SSC4D: variants seen among roughly 807,000 people sequenced by gnomAD.
The protein encoded by SSC4D is scavenger receptor cysteine rich family member with 4 domains, also known as scavenger receptor cysteine-rich domain-containing group B protein.
SSC4D carries 57 observed loss-of-function variants against 63.4 expected under a neutral mutation model. The observed-to-expected ratio is 0.90, with a 90% confidence interval of 0.73 to 1.12. SSC4D has a LOEUF of 1.12. Ranked by LOEUF, SSC4D falls within the 50% of genes most tolerant of loss-of-function variation. SSC4D has a pLI of 0.00. For missense variants in SSC4D, 791 were observed against 806.4 expected, an observed-to-expected ratio of 0.98 and a Z score of 0.23; for synonymous variants, 352 against 345.4, an observed-to-expected ratio of 1.02 and a Z score of -0.21.
Position 76,390,532 on chromosome 7 carries a change from C to T in SSC4D, c.1412-157G>A, listed in dbSNP as rs367809705. Among the ~76,000 whole-genome samples the T allele has an allele frequency of 3.9e-5, 6 of 152,280 alleles. No homozygotes were observed. In the East Asian group the frequency reaches 1.2e-3, roughly 29 times the overall value. On this transcript the variant is annotated intron_variant, in intron 10 of 10. Transcript: ENST00000275560. The stretch of plus-strand genomic sequence containing the variant: ...ACACATGAAATTAAAGTAAGATTGG[C>T]GCTGGCTGGGCACAATGGCTCACGC...
At chr7:76,394,902 C>T (rs1386622457) in intron 7 of SSC4D, among the ~76,000 whole-genome samples, 2 of 125,130 alleles carry the variant, frequency 1.6e-5, no homozygotes, top group African/African-American at 5.8e-5. Context: ...GAGACAGGGT[C>T]TAGCTACGTT....
At chr7:76,398,166 C>G (rs1804701316) in intron 5 of SSC4D, among the ~76,000 whole-genome samples, 2 of 152,160 alleles carry the variant, frequency 1.3e-5, no homozygotes, top group Non-Finnish European at 2.9e-5. Context: ...GGACCCTCTT[C>G]CACCTCTGGA....
At position 76,391,972 on chromosome 7, in the gene SSC4D, G is replaced by C. The variant is rs1182844662; in HGVS notation, c.1403C>G (p.Pro468Arg). 1 of 1,593,920 alleles carries C rather than the reference G, an allele frequency of 6.3e-7. No homozygotes were observed. The highest frequency in any genetic ancestry group is 1.8e-5 in the Admixed American group (1 of 56,870). ...GGATTATGGGCACCTACCGTCCCTGGGCCGAGGAGTGGGCACCCGCGTGGT... is the reference window on the plus strand; with the variant it reads ...GGATTATGGGCACCTACCGTCCCTGCGCCGAGGAGTGGGCACCCGCGTGGT... ...SETTRVPTPRPRDGHLRLVNG... is the reference protein window; with the variant it reads ...SETTRVPTPRRRDGHLRLVNG... The change falls in exon 10 of 11, where the codon CCC (proline) becomes CGC (arginine). Residue 468 changes from proline (P) to arginine (R), a missense_variant. Pro to Arg is a moderately radical substitution (Grantham distance 103). Coordinates refer to ENST00000275560, the MANE Select transcript of SSC4D (RefSeq NM_080744.2).
In SSC4D at chr7:76,393,701, A is replaced by G; in HGVS notation, c.1037T>C (p.Leu346Pro). The G allele has an allele frequency of 3.6e-6, 5 of 1,393,706 alleles. No individual in the cohort carries two copies. In the South Asian group the frequency reaches 8.1e-5, roughly 23 times the overall value. The allele number at this position is 1,393,706 out of a possible 1,614,324, so 86.3% of individuals were successfully genotyped here. Reference sequence around the variant, plus strand: ...GCGGCACGGACCCGGGCCGCCCACCAGTCGCAGCCGTCCACCTGCGGGGCG... The same window carrying G: ...GCGGCACGGACCCGGGCCGCCCACCGGTCGCAGCCGTCCACCTGCGGGGCG... ...AAGKKSGRLR[L>P]VGGPGPCRGR... is the part of the protein sequence containing the mutation. Residue 346 changes from leucine (L) to proline (P), a missense_variant, in exon 9 of 11, where the codon CTG (leucine) becomes CCG (proline). Transcript: ENST00000275560.
chr7:76,400,947 T>A, intron 3 of SSC4D, 61 bp downstream of exon 3: 2 of 1,549,176 alleles, frequency 1.3e-6, no homozygotes, highest in Non-Finnish European at 1.7e-6. Flanking sequence ...TGGTTCCCTG[T>A]CTGAGGCTGG....
chr7:76,397,507 A>G lies in SSC4D; in HGVS notation c.868+11T>C, dbSNP rs1336013873. ...TGCCCCGGCCCCGCCCATCGCCCCT[A>G]GAGCCCGCACCTGCGCAGAGCGCGC... is the stretch of plus-strand genomic sequence containing the variant. On this transcript the variant is annotated intron_variant, in intron 6 of 10. Transcript: ENST00000275560. 6.6e-7 allele frequency: 1 copy of G among 1,507,724 alleles called. No homozygotes were observed. The highest frequency in any genetic ancestry group is 1.3e-5 in the South Asian group (1 of 77,752). The allele number at this position is 1,507,724 out of a possible 1,614,324, so 93.4% of individuals were successfully genotyped here.
At chr7:76,394,206 GTC>G (rs1472009129) in intron 7 of SSC4D, among the ~76,000 whole-genome samples, 3 of 152,068 alleles carry the variant, frequency 2.0e-5, no homozygotes, top group African/African-American at 7.2e-5. Context: ...CCCTCATAAG[GTC>G]TCTCAATTCC....
rs988041006 is a variant in SSC4D, at chr7:76,397,444, G to C, written c.868+74C>G. 9 of 1,424,996 alleles carry C rather than the reference G, an allele frequency of 6.3e-6. No homozygotes were observed. The African/African-American group carries it at 1.3e-4, about 21-fold the overall frequency. The allele number at this position is 1,424,996 out of a possible 1,614,324, so 88.3% of individuals were successfully genotyped here. On this transcript the variant is annotated intron_variant, in intron 6 of 10. Transcript: ENST00000275560. Reference sequence around the variant, plus strand: ...CCTCCCCATCCACCTCCCCACCGAAGCCTCCTCCTCCAGCATTGCCACAGG... The same window carrying C: ...CCTCCCCATCCACCTCCCCACCGAACCCTCCTCCTCCAGCATTGCCACAGG...
intron 1 of SSC4D, among the ~76,000 whole-genome samples, chr7:76,407,657 C>G (rs959990527): frequency 1.3e-5 from 2 of 152,052 alleles, no homozygotes; most frequent in African/African-American, 4.8e-5. Context: ...CACTTGAGCC[C>G]AGGAGTTCAA....
rs116171550 is a variant in SSC4D at position 76,393,523 on chromosome 7, G to A, written c.1215C>T (p.Pro405=). The change falls in exon 9 of 11, where the codon CCC becomes CCT. Residue 405 remains proline, a synonymous_variant. Transcript: ENST00000275560. ...GLGHFGYGRG[P]VLLDNVGCAG... is the part of the protein sequence containing the mutation. Reference sequence around the variant, plus strand: ...CGCAGCCCACGTTGTCCAGCAGCACGGGGCCGCGGCCGTAGCCGAAGTGGC... The same window carrying A: ...CGCAGCCCACGTTGTCCAGCAGCACAGGGCCGCGGCCGTAGCCGAAGTGGC... 3 of 1,525,090 alleles carry A rather than the reference G, an allele frequency of 2.0e-6. No individual in the cohort carries two copies. The highest frequency in any genetic ancestry group is 1.2e-5 in the South Asian group (1 of 82,310). 94.5% of individuals were successfully genotyped at this position (1,525,090 alleles called of 1,614,324 possible).
At chr7:76,392,594 T>C (rs1804516440) in intron 9 of SSC4D, among the ~76,000 whole-genome samples, 2 of 137,112 alleles carry the variant, frequency 1.5e-5, no homozygotes, top group South Asian at 4.6e-4. Flanking sequence ...AGTTCGAGAG[T>C]AGCCTGGGCA....
At chr7:76,394,076 C>G (rs1318003895) in intron 7 of SSC4D, among the ~76,000 whole-genome samples, 172 bp from the exon 8 acceptor site, 1 of 152,196 alleles carries the variant, frequency 6.6e-6, no homozygotes, top group South Asian at 2.1e-4. Context: ...CTCCGGGAAA[C>G]TTGGTTGAAT....
chr7:76,395,356 G>A (rs756374633), intron 6 of SSC4D, 26 bp from the exon 7 acceptor site: 2 of 1,611,254 alleles, frequency 1.2e-6, no homozygotes, highest in African/African-American at 1.3e-5. Context: ...AGGGGGCAGG[G>A]TCAGAGGCTG....
chr7:76,400,505 C>T lies in SSC4D; in HGVS notation c.256G>A (p.Asp86Asn), dbSNP rs1209653198. ...GGSWGSVCDD[D>N]WDVVDANVVC... Reference sequence around the variant, plus strand: ...ACGTTGGCGTCCACCACGTCCCAGTCGTCATCACAGACGCTGCCCCAGGAG... The same window carrying T: ...ACGTTGGCGTCCACCACGTCCCAGTTGTCATCACAGACGCTGCCCCAGGAG... Residue 86 changes from aspartate (D) to asparagine (N), a missense_variant, in exon 4 of 11, where the codon GAC (aspartate) becomes AAC (asparagine). By Grantham distance (23) the Asp-to-Asn change is conservative. Transcript: ENST00000275560. 6.3e-6 allele frequency: 10 copies of T among 1,596,414 alleles called. No individual in the cohort carries two copies. The highest frequency in any genetic ancestry group is 1.7e-5 in the Admixed American group (1 of 58,022).
chr7:76,392,178 G>T (rs1328428880), intron 9 of SSC4D, 137 bp from the exon 10 acceptor site: 1 of 783,752 alleles, frequency 1.3e-6, no homozygotes, highest in African/African-American at 1.7e-5. Context: ...CTGAAGAACT[G>T]CTCCCCTTGA....
At chr7:76,391,905 A>G (rs888914559) in intron 10 of SSC4D, 59 bp downstream of exon 10, 13 of 1,519,080 alleles carry the variant, frequency 8.6e-6, no homozygotes, top group Non-Finnish European at 9.8e-6. Flanking sequence ...ACCTCCCCCA[A>G]TCCAGGTCCT....
At chr7:76,403,864 T>C (rs1214578981) in intron 2 of SSC4D, among the ~76,000 whole-genome samples, 1 of 152,096 alleles carries the variant, frequency 6.6e-6, no homozygotes, top group African/African-American at 2.4e-5. Flanking sequence ...GGTTTCACCA[T>C]GTTGGCCAGG....
chr7:76,398,947 T>C, intron 4 of SSC4D, 150 bp from the exon 5 acceptor site: 1 of 733,852 alleles, frequency 1.4e-6, no homozygotes, highest in Non-Finnish European at 2.3e-6. Context: ...CACTGGGGTA[T>C]GAGAGGAGAG....
At chr7:76,391,827 G>T in intron 10 of SSC4D, 137 bp downstream of exon 10, 1 of 877,496 alleles carries the variant, frequency 1.1e-6, no homozygotes, top group Non-Finnish European at 1.8e-6. Context: ...GGAGGCCTGA[G>T]ACCAACAAAA....
Sources: allele counts gnomAD v4.1 joint callset (sites outside exome capture counted in the v4.1 genomes callset), GRCh38; gene constraint gnomAD v4.1.1; transcripts MANE v1.5; gene names NCBI Gene and HGNC (gene_info 2026-07-23, HGNC 2026-07-21).